FBXL2: variants seen among roughly 807,000 people sequenced by gnomAD.
FBXL2 encodes F-box/LRR-repeat protein 2.
A neutral mutation model predicts 69.2 loss-of-function variants in FBXL2; 38 were observed. The ratio of observed to expected loss-of-function variants is 0.55; its 90% CI spans 0.42 to 0.72. The LOEUF (loss-of-function observed/expected upper bound fraction) is 0.72. FBXL2 is among the 30% of genes least tolerant of loss of function. FBXL2 has a pLI of 0.00. For synonymous variants in FBXL2, 192 were observed against 201.3 expected (o/e 0.95, Z 0.39); for missense variants, 354 against 520.3 (o/e 0.68, Z 3.11).
chr3:33,361,313 G>A (rs1378517154), intron 4 of FBXL2, among the ~76,000 whole-genome samples: 1 of 151,816 alleles, frequency 6.6e-6, no homozygotes, highest in African/African-American at 2.4e-5. Flanking sequence ...AGACCAGCTT[G>A]GGCAACATAG....
At chr3:33,356,290 A>T (rs983325937) in intron 2 of FBXL2, among the ~76,000 whole-genome samples, 8 of 152,192 alleles carry the variant, frequency 5.3e-5, no homozygotes, top group Non-Finnish European at 8.8e-5. Flanking sequence ...CAAGTTTGAG[A>T]TTGCAGCTCA....
At chr3:33,374,295 G>T (rs769670392) in intron 9 of FBXL2, among the ~76,000 whole-genome samples, 14 of 152,148 alleles carry the variant, frequency 9.2e-5, no homozygotes, top group Admixed American at 2.0e-4. Context: ...CTCTCACGTT[G>T]TTTCAGTGGA....
chr3:33,372,811 A>G (rs1369083669), intron 5 of FBXL2: 2 of 526,524 alleles, frequency 3.8e-6, no homozygotes, highest in Admixed American at 6.5e-5. Context: ...AGCTGTGGGT[A>G]AAGGAGAACT....
At chr3:33,348,078 T>C (rs2040573497) in intron 2 of FBXL2, among the ~76,000 whole-genome samples, 1 of 152,182 alleles carries the variant, frequency 6.6e-6, no homozygotes, top group East Asian at 1.9e-4. Context: ...TGTGGGGTAT[T>C]ACTCAAGAAA....
chr3:33,345,004 T>C (rs1467993575), intron 2 of FBXL2, among the ~76,000 whole-genome samples: 1 of 152,216 alleles, frequency 6.6e-6, no homozygotes, highest in African/African-American at 2.4e-5. Flanking sequence ...GGGAATCCTT[T>C]CAGATGTTAA....
chr3:33,320,211 T>C (rs1052336491), intron 2 of FBXL2, among the ~76,000 whole-genome samples: 1 of 152,134 alleles, frequency 6.6e-6, no homozygotes, highest in Non-Finnish European at 1.5e-5. Context: ...TAATTTATTA[T>C]GAAGTTATAA....
At chr3:33,361,874 T>G (rs1344897053) in intron 4 of FBXL2, among the ~76,000 whole-genome samples, 2 of 152,154 alleles carry the variant, frequency 1.3e-5, no homozygotes, top group Non-Finnish European at 2.9e-5. Context: ...CTAGGAAGCA[T>G]TTTATGGATA....
At chr3:33,418,674 C>T in the FBXL2 span, among the ~76,000 whole-genome samples, 1 of 151,690 alleles carries the variant, frequency 6.6e-6, no homozygotes, top group Non-Finnish European at 1.5e-5. Context: ...GCCTGACCAA[C>T]ATGGAGAAAC....
chr3:33,330,732 TAC>T (rs1332351443), intron 2 of FBXL2, among the ~76,000 whole-genome samples: 1 of 151,930 alleles, frequency 6.6e-6, no homozygotes, highest in Non-Finnish European at 1.5e-5. Context: ...TACTAAAAAA[TAC>T]AGAGATTAGC....
At position 33,386,064 on chromosome 3, in the gene FBXL2, T is replaced by A. The variant is rs1237684572; in HGVS notation, c.*456T>A. ...TTTGATTAGCAGGACTTTTCCACTTTGAAGATAAATAGCAACTTTATCAAA... is the reference window on the plus strand; with the variant it reads ...TTTGATTAGCAGGACTTTTCCACTTAGAAGATAAATAGCAACTTTATCAAA... On this transcript the variant is annotated 3_prime_UTR_variant, in exon 15 of 15. Transcript: ENST00000484457. The A allele has an allele frequency of 5.8e-6, 1 of 173,034 alleles. No homozygotes were observed. Among genetic ancestry groups the A allele is most frequent in the Non-Finnish European group, 1.3e-5 (1 of 79,230 alleles). 10.7% of individuals were successfully genotyped at this position (173,034 alleles called of 1,614,324 possible).
chr3:33,395,139 A>G (rs1049236813), intron 12 of FBXL2, among the ~76,000 whole-genome samples: 1 of 152,180 alleles, frequency 6.6e-6, no homozygotes, highest in Non-Finnish European at 1.5e-5. Context: ...TTAAATTTTT[A>G]TCCTTTAAGA....
chr3:33,395,175 A>G (rs1339972663), intron 12 of FBXL2, among the ~76,000 whole-genome samples: 1 of 152,228 alleles, frequency 6.6e-6, no homozygotes, highest in Non-Finnish European at 1.5e-5. Flanking sequence ...CTCAAAATTC[A>G]GAGCTTTTGA....
At chr3:33,411,825 C>A in the FBXL2 span, 1 of 673,370 alleles carries the variant, frequency 1.5e-6, no homozygotes, top group Non-Finnish European at 2.6e-6. Context: ...TGATCAACTT[C>A]TTCAACATCG....
intron 2 of FBXL2, among the ~76,000 whole-genome samples, chr3:33,329,605 C>A (rs952010766): frequency 6.6e-6 from 1 of 152,002 alleles, no homozygotes; most frequent in Admixed American, 6.6e-5. Flanking sequence ...GAAATCCTGT[C>A]GTTTGCAGCA....
At chr3:33,372,770 TC>T in intron 5 of FBXL2, 1 of 459,758 alleles carries the variant, frequency 2.2e-6, no homozygotes, top group Non-Finnish European at 4.0e-6. Context: ...GAGCTAGGCC[TC>T]TATTCTCATG....
chr3:33,385,197 G>A (rs1392398840), intron 14 of FBXL2, among the ~76,000 whole-genome samples: 3 of 152,110 alleles, frequency 2.0e-5, no homozygotes, highest in African/African-American at 7.2e-5. Flanking sequence ...TTAGGCAACT[G>A]CATTTAACAG....
At chr3:33,309,203 G>T (rs1281775456) in intron 2 of FBXL2, among the ~76,000 whole-genome samples, 4 of 152,012 alleles carry the variant, frequency 2.6e-5, no homozygotes, top group Non-Finnish European at 5.9e-5. Flanking sequence ...TTTCTGTATT[G>T]CAGTCTTCTA....
At chr3:33,350,433 A>AT (rs60005264) in intron 2 of FBXL2, among the ~76,000 whole-genome samples, 53,844 of 145,316 alleles carry the variant, frequency 0.37, 10,418 homozygotes, top group East Asian at 0.59. Context: ...TAACATCATA[A>AT]TTTTTTTTTT....
At chr3:33,280,249 T>G (rs769451957) in intron 1 of FBXL2, among the ~76,000 whole-genome samples, 7 of 152,322 alleles carry the variant, frequency 4.6e-5, no homozygotes, top group Middle Eastern at 3.4e-3. Flanking sequence ...TCCTGTCACA[T>G]CAGTTCAGTT....
Sources: allele counts gnomAD v4.1 joint callset (sites outside exome capture counted in the v4.1 genomes callset), GRCh38; gene constraint gnomAD v4.1.1; transcripts MANE v1.5; gene names NCBI Gene and HGNC (gene_info 2026-07-23, HGNC 2026-07-21).